Variants in ADAMTS3 observed in about 807,000 individuals in gnomAD.
ADAMTS3 encodes the protein ADAM metallopeptidase with thrombospondin type 1 motif 3, also known as A disintegrin and metalloproteinase with thrombospondin motifs 3.
In ADAMTS3, 73 loss-of-function variants were observed where a neutral mutation model predicts 129.0. That is an observed-to-expected ratio of 0.57 (90% CI 0.47 to 0.69). The LOEUF (loss-of-function observed/expected upper bound fraction) is 0.69. Ranked by LOEUF, ADAMTS3 falls within the 30% of genes least tolerant of loss-of-function variation. ADAMTS3 has a pLI of 0.00. For missense variants in ADAMTS3, 1,457 were observed against 1,514.5 expected (o/e 0.96, Z 0.63); for synonymous variants, 477 against 510.8 (o/e 0.93, Z 0.89).
rs921845654 is a variant in ADAMTS3, at chr4:72,354,989, G to A, written c.662-15296C>T. Among the ~76,000 whole-genome samples, 15 of 151,928 alleles carry A rather than the reference G, an allele frequency of 9.9e-5. 1 individual carries two copies. Among genetic ancestry groups the A allele is most frequent in the Admixed American group, 8.5e-4 (13 of 15,226 alleles). ...TATAAATCTTACTCCAAAAGCTTTT[G>A]GTATTGCAAATTTCCTTCCTTTTTA... On this transcript the variant is annotated intron_variant, in intron 4 of 21. Coordinates refer to ENST00000286657, the MANE Select transcript of ADAMTS3 (RefSeq NM_014243.3).
intron 3 of ADAMTS3, among the ~76,000 whole-genome samples, chr4:72,502,087 T>C (rs1399727889): frequency 3.3e-5 from 5 of 152,214 alleles, no homozygotes; most frequent in African/African-American, 9.6e-5. Context: ...TTCTTTGTTA[T>C]GTCTTTGCCA....
chr4:72,538,446 T>G (rs950600147), intron 3 of ADAMTS3, among the ~76,000 whole-genome samples: 1 of 151,698 alleles, frequency 6.6e-6, no homozygotes, highest in Admixed American at 6.6e-5. Context: ...AGATTTCTCA[T>G]CAGAAACTTT....
At chr4:72,292,460 T>C (rs1003261036) in intron 19 of ADAMTS3, among the ~76,000 whole-genome samples, 3 of 152,238 alleles carry the variant, frequency 2.0e-5, no homozygotes, top group African/African-American at 7.2e-5. Flanking sequence ...TGGTGTGCAT[T>C]GGGGCTGGGT....
chr4:72,462,854 A>G (rs1417912655), intron 3 of ADAMTS3, among the ~76,000 whole-genome samples: 1 of 151,964 alleles, frequency 6.6e-6, no homozygotes, highest in Admixed American at 6.6e-5. Context: ...AAAAAGTGAC[A>G]GTAAGCTCAA....
Position 72,309,601 on chromosome 4 carries a change from GT to G in ADAMTS3, c.2056-82del, listed in dbSNP as rs991393709. ...CATCCCAGAGAATGATGAACCCTTT[GT>G]TCAGTCATGGCCCACAGTCAGCCAA... On this transcript the variant is annotated intron_variant, in intron 14 of 21. Coordinates refer to ENST00000286657, the MANE Select transcript of ADAMTS3 (RefSeq NM_014243.3). The G allele has an allele frequency of 2.0e-6, 3 of 1,515,898 alleles. No individual in the cohort carries two copies. The African/African-American group carries it at 4.1e-5, about 21-fold the overall frequency. The allele number at this position is 1,515,898 out of a possible 1,614,324, so 93.9% of individuals were successfully genotyped here.
At chr4:72,346,253 T>C (rs1286268367) in intron 4 of ADAMTS3, among the ~76,000 whole-genome samples, 4 of 152,128 alleles carry the variant, frequency 2.6e-5, no homozygotes, top group African/African-American at 9.7e-5. Context: ...TGGCCAGAAT[T>C]GAATCACAGG....
chr4:72,472,839 T>C (rs1368209812), intron 3 of ADAMTS3, among the ~76,000 whole-genome samples: 2 of 152,174 alleles, frequency 1.3e-5, no homozygotes, highest in Non-Finnish European at 2.9e-5. Flanking sequence ...GCACGAACTT[T>C]GGCTAGCATT....
At position 72,481,235 on chromosome 4, in the gene ADAMTS3, A is replaced by G. The variant is rs193032454; in HGVS notation, c.505-66264T>C. Among the ~76,000 whole-genome samples the G allele has an allele frequency of 8.5e-4, 130 of 152,306 alleles. 2 individuals are homozygous for G. Among genetic ancestry groups the G allele is most frequent in the Non-Finnish European group, 1.9e-4 (13 of 68,008 alleles). ...ATTGATACAGAAAGGTGGAAGAACT[A>G]GAAGAGTTAAGACAATTTTGAAAAA... On this transcript the variant is annotated intron_variant, in intron 3 of 21. Coordinates refer to ENST00000286657, the MANE Select transcript of ADAMTS3 (RefSeq NM_014243.3).
chr4:72,364,766 TTAAA>T (rs1308169417), intron 4 of ADAMTS3, among the ~76,000 whole-genome samples: 4 of 152,268 alleles, frequency 2.6e-5, no homozygotes, highest in African/African-American at 9.6e-5. Flanking sequence ...TAAAAAAATG[TTAAA>T]TAGAGACAAG....
chr4:72,479,739 C>A (rs1159552152), intron 3 of ADAMTS3, among the ~76,000 whole-genome samples: 2 of 152,128 alleles, frequency 1.3e-5, no homozygotes, highest in African/African-American at 4.8e-5. Flanking sequence ...AAAGAAACTA[C>A]CATCAGAGTG....
intron 3 of ADAMTS3, among the ~76,000 whole-genome samples, chr4:72,532,324 T>G (rs1265926895): frequency 6.6e-6 from 1 of 151,996 alleles, no homozygotes; most frequent in Admixed American, 6.5e-5. Context: ...GGGAAAACAA[T>G]GATTTTCAGC....
intron 3 of ADAMTS3, among the ~76,000 whole-genome samples, chr4:72,483,349 C>A (rs1719490838): frequency 1.3e-5 from 2 of 152,058 alleles, no homozygotes; most frequent in Non-Finnish European, 2.9e-5. Flanking sequence ...CTAAGTTATA[C>A]CCCAATAAAT....
At chr4:72,482,953 T>C (rs1719478184) in intron 3 of ADAMTS3, among the ~76,000 whole-genome samples, 1 of 152,140 alleles carries the variant, frequency 6.6e-6, no homozygotes, top group Admixed American at 6.5e-5. Flanking sequence ...AGATTTAACA[T>C]CTATAAAAGA....
chr4:72,523,205 A>G (rs1289652147), intron 3 of ADAMTS3, among the ~76,000 whole-genome samples: 10 of 152,128 alleles, frequency 6.6e-5, no homozygotes, highest in Non-Finnish European at 1.5e-4. Flanking sequence ...CATTAAAACA[A>G]AAACTTTCAA....
At chr4:72,479,357 T>C (rs1719354037) in intron 3 of ADAMTS3, among the ~76,000 whole-genome samples, 1 of 152,008 alleles carries the variant, frequency 6.6e-6, no homozygotes, top group Admixed American at 6.5e-5. Context: ...TATAGAACAA[T>C]GGAACAGAAA....
At chr4:72,391,377 T>C (rs974207381) in intron 4 of ADAMTS3, among the ~76,000 whole-genome samples, 1 of 151,610 alleles carries the variant, frequency 6.6e-6, no homozygotes, top group African/African-American at 2.4e-5. Context: ...GAGAGTGTTT[T>C]TGGCAAAAGA....
At position 72,319,887 on chromosome 4, in the gene ADAMTS3, A is replaced by G. The variant is rs780171673; in HGVS notation, c.1179T>C (p.Ala393=). ...GGCCCGTTTCATGGGCTACTACAAAAGCAGATGAAAAACCATCCTCATGAT... is the reference window on the plus strand; with the variant it reads ...GGCCCGTTTCATGGGCTACTACAAAGGCAGATGAAAAACCATCCTCATGAT... The part of the protein sequence containing the change: ...TLNHEDGFSS[A]FVVAHETGHV... The change falls in exon 8 of 22, where the codon GCT becomes GCC. Residue 393 remains alanine, a synonymous_variant. Transcript: ENST00000286657. 4.3e-6 allele frequency: 7 copies of G among 1,613,950 alleles called. No individual in the cohort carries two copies. In the South Asian group the frequency reaches 5.5e-5, roughly 13 times the overall value.
chr4:72,495,903 A>G (rs1719862675), intron 3 of ADAMTS3, among the ~76,000 whole-genome samples: 1 of 152,186 alleles, frequency 6.6e-6, no homozygotes, highest in South Asian at 2.1e-4. Flanking sequence ...TTGCTAACTC[A>G]ATACAGCACT....
At chr4:72,485,900 A>T (rs1438341035) in intron 3 of ADAMTS3, among the ~76,000 whole-genome samples, 1 of 152,190 alleles carries the variant, frequency 6.6e-6, no homozygotes, top group African/African-American at 2.4e-5. Context: ...CCACCATGTG[A>T]GGATGTAGCA....
Sources: allele counts gnomAD v4.1 joint callset (sites outside exome capture counted in the v4.1 genomes callset), GRCh38; gene constraint gnomAD v4.1.1; transcripts MANE v1.5; gene names NCBI Gene and HGNC (gene_info 2026-07-23, HGNC 2026-07-21).